The following TPR variants were observed in gnomAD, a reference collection of about 807,000 sequenced individuals.
The protein encoded by TPR is translocated promoter region, nuclear basket protein, also known as nucleoprotein TPR.
Under a neutral mutation model 316.1 loss-of-function variants are expected in TPR, and 51 were observed. The ratio of observed to expected loss-of-function variants is 0.16; its 90% CI spans 0.13 to 0.20. TPR has a LOEUF of 0.20. Among genes scored for constraint, TPR ranks in the 10% least tolerant of loss-of-function variants. The pLI is 1.00. For synonymous variants in TPR, 981 were observed against 914.7 expected, an observed-to-expected ratio of 1.07 and a Z score of -1.31; for missense variants, 2,272 against 2,754.8, an observed-to-expected ratio of 0.82 and a Z score of 3.92.
At chr1:186,342,019 G>A (rs1403730171) in intron 27 of TPR, 2 of 152,216 alleles carry the variant, frequency 1.3e-5, no homozygotes, top group Non-Finnish European at 2.9e-5. Context: ...GCCCAGACTG[G>A]AGTCCAGTGG....
chr1:186,328,238 G>C (rs1658057644), intron 39 of TPR, among the ~76,000 whole-genome samples: 1 of 152,120 alleles, frequency 6.6e-6, no homozygotes, highest in Non-Finnish European at 1.5e-5. Flanking sequence ...AAATATTTGT[G>C]CATTCAAAAC....
rs764038270 is a variant in TPR at position 186,356,349 on chromosome 1, G to A, written c.1825C>T (p.Arg609Cys). ...AAAATACGGTACATATCACGCTGAC[G>A]AACTATGGAATCAACAAGCTGCATT... ...HQMQLVDSIVRQRDMYRILLS... is the reference protein window; with the variant it reads ...HQMQLVDSIVCQRDMYRILLS... Residue 609 changes from arginine (R) to cysteine (C), a missense_variant, in exon 15 of 51, where the codon CGT becomes TGT. Arg to Cys is a radical substitution (Grantham distance 180). Coordinates refer to ENST00000367478, the MANE Select transcript of TPR (RefSeq NM_003292.3). The A allele has an allele frequency of 3.7e-6, 6 of 1,613,660 alleles. No homozygotes were observed. The highest frequency in any genetic ancestry group is 4.5e-5 in the East Asian group (2 of 44,860).
chr1:186,332,231 T>C lies in TPR; in HGVS notation c.5568A>G (p.Pro1856=). 1 of 1,612,056 alleles carries C rather than the reference T, an allele frequency of 6.2e-7. No homozygotes were observed. Among genetic ancestry groups the C allele is most frequent in the Non-Finnish European group, 8.5e-7 (1 of 1,179,166 alleles). ...VSDDTVEMPL[P]KKLKSVTPVG... is the part of the protein sequence containing the mutation. ...CAGGTGTGACACTTTTCAACTTCTT[T>C]GGAAGAGGCATTTCCACTGTATCAT... The change falls in exon 38 of 51, where the codon CCA becomes CCG. Residue 1856 remains proline (P), a synonymous_variant. Transcript: ENST00000367478.
At chr1:186,373,302 A>C in intron 2 of TPR, 57 bp downstream of exon 2, 1 of 1,194,520 alleles carries the variant, frequency 8.4e-7, no homozygotes, top group Non-Finnish European at 1.2e-6. Flanking sequence ...TATATAAAGG[A>C]GTCTCTGAAG....
rs190291756 is a variant in TPR at position 186,315,233 on chromosome 1, A to C, written c.6941-509T>G. On this transcript the variant is annotated intron_variant, in intron 49 of 50. Transcript: ENST00000367478. ...AAAAAAAAACAAACAAACAAACAAA[A>C]AAAAAACACCAAAAAAAAACCAGAA... Among the ~76,000 whole-genome samples, 1,066 of 151,846 alleles carry C rather than the reference A, an allele frequency of 7.0e-3. 17 individuals are homozygous for C. The highest frequency in any genetic ancestry group is 0.022 in the African/African-American group (923 of 41,368).
chr1:186,318,510 G>T lies in TPR; in HGVS notation c.6758C>A (p.Thr2253Lys). Residue 2253 changes from threonine (T) to lysine (K), a missense_variant, in exon 48 of 51, where the codon ACA (threonine) becomes AAA (lysine). By Grantham distance (78) the Thr-to-Lys change is moderately conservative. Transcript: ENST00000367478. ...MVTTSTGTLS[T>K]TNETATGDDG... The stretch of plus-strand genomic sequence containing the variant: ...ATCACCTGTTGCTGTTTCATTTGTT[G>T]TAGATAAAGTGCCAGTGGATGTAGT... 6.2e-7 allele frequency: 1 copy of T among 1,614,072 alleles called. No homozygotes were observed. Among genetic ancestry groups the T allele is most frequent in the East Asian group, 2.2e-5 (1 of 44,876 alleles).
chr1:186,315,038 C>A (rs1428830641), intron 49 of TPR, among the ~76,000 whole-genome samples: 1 of 151,766 alleles, frequency 6.6e-6, no homozygotes, highest in Non-Finnish European at 1.5e-5. Flanking sequence ...CATGGTGGAA[C>A]ATGCCTACAG....
chr1:186,336,895 TA>T, intron 32 of TPR, 117 bp downstream of exon 32: 1 of 1,480,980 alleles, frequency 6.8e-7, no homozygotes, highest in Non-Finnish European at 9.1e-7. Flanking sequence ...CCATTCAAAG[TA>T]AAAAGAATAA....
Position 186,357,446 on chromosome 1 carries a change from C to G in TPR, c.1675G>C (p.Glu559Gln). Residue 559 changes from glutamate (E) to glutamine (Q), a missense_variant, in exon 14 of 51, where the codon GAG becomes CAG. Glu to Gln is a conservative substitution (Grantham distance 29, BLOSUM62 2). Transcript: ENST00000367478. Reference protein sequence around the residue: ...QNQRLLVALRELGETREREEQ... With the variant: ...QNQRLLVALRQLGETREREEQ... Reference sequence around the variant, plus strand: ...TCTCTTTCTCTGGTTTCCCCAAGCTCTCTAAGGGCCACTAAGAGACGTTGA... The same window carrying G: ...TCTCTTTCTCTGGTTTCCCCAAGCTGTCTAAGGGCCACTAAGAGACGTTGA... 6.2e-7 allele frequency: 1 copy of G among 1,614,048 alleles called. No homozygotes were observed. Among genetic ancestry groups the G allele is most frequent in the Non-Finnish European group, 8.5e-7 (1 of 1,180,018 alleles).
intron 19 of TPR, 84 bp from the exon 20 acceptor site, chr1:186,351,554 A>G (rs1234468533): frequency 3.5e-6 from 5 of 1,411,190 alleles, no homozygotes; most frequent in African/African-American, 1.4e-5. Flanking sequence ...AAGAATTACA[A>G]TATTACAACC....
rs751115566 is a variant in TPR at position 186,327,563 on chromosome 1, G to A, written c.5786C>T (p.Thr1929Met). ...TTGACCATCCTGGGATGAAGTTGTC[G>A]TCTGCTGATCTGATTGAAGTGGCCC... is the stretch of plus-strand genomic sequence containing the variant. ...DLGPLQSDQQ[T>M]TTSSQDGQGK... Residue 1929 changes from threonine to methionine, a missense_variant, in exon 40 of 51, where the codon ACG (threonine) becomes ATG (methionine). Physicochemically the swap from Thr to Met is moderately conservative, Grantham distance 81. Around this residue, in one of 10 missense-constraint regions of TPR, gnomAD observed 435 missense variants for 461.1 expected, o/e 0.94. Coordinates refer to ENST00000367478, the MANE Select transcript of TPR (RefSeq NM_003292.3). 26 of 1,612,152 alleles carry A rather than the reference G, an allele frequency of 1.6e-5. No homozygotes were observed. The highest frequency in any genetic ancestry group is 9.4e-5 in the African/African-American group (7 of 74,422).
rs987385760 is a variant in TPR, at chr1:186,322,386, G to A, written c.6393C>T (p.Asp2131=). Residue 2131 remains aspartate (D), a synonymous_variant, in exon 45 of 51, where the codon GAC becomes GAT. Transcript: ENST00000367478. ...GMQQHFFDDE[D]RTVPSTPTLV... ...GAGTTGGAGTACTTGGAACTGTTCT[G>A]TCTTCATCATCAAAAAAATGCTGTT... is the stretch of plus-strand genomic sequence containing the variant. The A allele has an allele frequency of 2.5e-6, 4 of 1,613,416 alleles. No individual in the cohort carries two copies. Among genetic ancestry groups the A allele is most frequent in the Non-Finnish European group, 3.4e-6 (4 of 1,179,804 alleles).
intron 49 of TPR, among the ~76,000 whole-genome samples, 179 bp from the exon 50 acceptor site, chr1:186,314,903 AC>A (rs1448015417): frequency 6.6e-6 from 1 of 152,200 alleles, no homozygotes; most frequent in African/African-American, 2.4e-5. Flanking sequence ...AAATGGTTAA[AC>A]AACAAAAAAA....
At chr1:186,336,809 G>A in intron 32 of TPR, 115 bp from the exon 33 acceptor site, 4 of 1,330,276 alleles carry the variant, frequency 3.0e-6, no homozygotes, top group Non-Finnish European at 3.1e-6. Flanking sequence ...TTAAATGGAA[G>A]TATAAGTATA....
rs1273170170 is a variant in TPR at position 186,370,976 on chromosome 1, G to A, written c.324C>T (p.Ala108=). The A allele has an allele frequency of 6.2e-7, 1 of 1,611,442 alleles. No homozygotes were observed. The highest frequency in any genetic ancestry group is 8.5e-7 in the Non-Finnish European group (1 of 1,178,384). ...ELEIAQDRNI[A]IQSQFTRTKE... is the part of the protein sequence containing the mutation. ...TCTAAGAAATATCTCTTACCTGAAT[G>A]GCAATATTGCGATCCTGAGCAATTT... The change falls in exon 3 of 51, where the codon GCC becomes GCT. Residue 108 remains alanine, a synonymous_variant. Coordinates refer to ENST00000367478, the MANE Select transcript of TPR (RefSeq NM_003292.3).
intron 33 of TPR, among the ~76,000 whole-genome samples, 166 bp from the exon 34 acceptor site, chr1:186,335,709 C>G (rs1205207515): frequency 6.6e-6 from 1 of 152,062 alleles, no homozygotes; most frequent in Non-Finnish European, 1.5e-5. Context: ...TACATTCATG[C>G]TTTAACTTAT....
At position 186,322,553 on chromosome 1, in the gene TPR, G is replaced by A. The variant is rs1657802733; in HGVS notation, c.6331C>T (p.Arg2111Cys). 1.9e-6 allele frequency: 3 copies of A among 1,614,036 alleles called. No individual in the cohort carries two copies. Among genetic ancestry groups the A allele is most frequent in the Non-Finnish European group, 2.5e-6 (3 of 1,179,954 alleles). Reference protein sequence around the residue: ...IQMTRRQSVGRGLQLTPGIGG... With the variant: ...IQMTRRQSVGCGLQLTPGIGG... ...ATTCCTGGAGTCAACTGAAGGCCAC[G>A]TCCTACAGACTGCCTTCGGGTCATC... is the stretch of plus-strand genomic sequence containing the variant. Residue 2111 changes from arginine to cysteine, a missense_variant, in exon 44 of 51, where the codon CGT becomes TGT. Physicochemically the swap from Arg to Cys is radical, Grantham distance 180. Coordinates refer to ENST00000367478, the MANE Select transcript of TPR (RefSeq NM_003292.3).
chr1:186,332,163 A>G, intron 38 of TPR, 32 bp downstream of exon 38: 1 of 1,584,096 alleles, frequency 6.3e-7, no homozygotes, highest in Non-Finnish European at 8.6e-7. Flanking sequence ...CTACTGGTAA[A>G]AGTTAAAATA....
At chr1:186,332,975 A>T in intron 37 of TPR, 147 bp downstream of exon 37, 2 of 905,186 alleles carry the variant, frequency 2.2e-6, no homozygotes, top group Non-Finnish European at 3.2e-6. Context: ...TACTTGTGAT[A>T]CGTATTATAT....
Sources: allele counts gnomAD v4.1 joint callset (sites outside exome capture counted in the v4.1 genomes callset), GRCh38; gene constraint gnomAD v4.1.1; regional missense constraint gnomAD v4.1.1; transcripts MANE v1.5; gene names NCBI Gene and HGNC (gene_info 2026-07-23, HGNC 2026-07-21).